Variants in LPP observed in about 807,000 individuals in gnomAD.
The protein encoded by LPP is lipoma-preferred partner.
A neutral mutation model predicts 60.4 loss-of-function variants in LPP; 38 were observed. The ratio of observed to expected loss-of-function variants is 0.63; its 90% CI spans 0.49 to 0.83. The LOEUF is 0.83. Among genes scored for constraint, LPP ranks in the 40% least tolerant of loss-of-function variants. The probability of loss-of-function intolerance (pLI) is 0.00; values close to 1 mark genes in which losing one functional copy is unlikely to be tolerated. For synonymous variants in LPP, 328 were observed against 290.8 expected, an observed-to-expected ratio of 1.13 and a Z score of -1.30; for missense variants, 902 against 783.6, an observed-to-expected ratio of 1.15 and a Z score of -1.80.
chr3:188,399,626 C>A (rs926020962), intron 3 of LPP, among the ~76,000 whole-genome samples: 3 of 152,138 alleles, frequency 2.0e-5, no homozygotes, highest in Non-Finnish European at 4.4e-5. Flanking sequence ...AATACAATGT[C>A]ATTTAAAGAT....
chr3:188,355,089 A>G (rs1004086283), intron 3 of LPP, among the ~76,000 whole-genome samples: 5 of 152,126 alleles, frequency 3.3e-5, no homozygotes, highest in African/African-American at 9.6e-5. Flanking sequence ...GCTCACTGCA[A>G]TCTCCACCTC....
At chr3:188,331,785 G>A (rs1311347812) in intron 2 of LPP, among the ~76,000 whole-genome samples, 2 of 152,146 alleles carry the variant, frequency 1.3e-5, no homozygotes, top group Non-Finnish European at 2.9e-5. Flanking sequence ...ATGTGTATGA[G>A]TCTGAAAGCT....
chr3:188,766,999 A>G (rs1236796187), intron 9 of LPP, among the ~76,000 whole-genome samples: 1 of 152,196 alleles, frequency 6.6e-6, no homozygotes, highest in African/African-American at 2.4e-5. Context: ...TGCCTTCTAT[A>G]CAGTCCGTTT....
At chr3:188,240,470 T>G in intron 2 of LPP, among the ~76,000 whole-genome samples, 1 of 151,974 alleles carries the variant, frequency 6.6e-6, no homozygotes, top group East Asian at 1.9e-4. Context: ...GGCACAGAAT[T>G]TCTGAGTTGG....
chr3:188,515,870 T>G (rs1192169787), intron 5 of LPP, among the ~76,000 whole-genome samples: 1 of 152,202 alleles, frequency 6.6e-6, no homozygotes, highest in Non-Finnish European at 1.5e-5. Flanking sequence ...ACAAAGAGTA[T>G]CAAATAACAT....
intron 7 of LPP, among the ~76,000 whole-genome samples, chr3:188,643,777 T>C (rs1214106203): frequency 2.6e-5 from 4 of 152,092 alleles, no homozygotes; most frequent in Non-Finnish European, 5.9e-5. Flanking sequence ...GGATTTCTGT[T>C]TGGGAGTACA....
chr3:188,464,231 C>CT (rs1354382497), intron 4 of LPP, among the ~76,000 whole-genome samples: 1 of 152,196 alleles, frequency 6.6e-6, no homozygotes, highest in Admixed American at 6.5e-5. Context: ...TTTTGGATGG[C>CT]TTAGGGAGTC....
At chr3:188,284,043 C>T (rs1743078893) in intron 2 of LPP, among the ~76,000 whole-genome samples, 1 of 151,958 alleles carries the variant, frequency 6.6e-6, no homozygotes, top group African/African-American at 2.4e-5. Context: ...CTGGAAACAT[C>T]CTCCACCAAA....
intron 6 of LPP, among the ~76,000 whole-genome samples, chr3:188,553,391 T>G (rs1828674434): frequency 6.6e-6 from 1 of 152,106 alleles, no homozygotes; most frequent in Non-Finnish European, 1.5e-5. Flanking sequence ...AGACTGAAGC[T>G]TGGTAGCAGG....
At chr3:188,491,501 T>C (rs538351774) in intron 5 of LPP, among the ~76,000 whole-genome samples, 5 of 152,340 alleles carry the variant, frequency 3.3e-5, no homozygotes, top group African/African-American at 9.6e-5. Context: ...CTAGTTCCTT[T>C]TGGGTCAGCA....
At chr3:188,288,801 C>G (rs955855751) in intron 2 of LPP, among the ~76,000 whole-genome samples, 1 of 126,104 alleles carries the variant, frequency 7.9e-6, no homozygotes, top group Non-Finnish European at 1.6e-5. Flanking sequence ...CAATCTCTCT[C>G]TCTCTCTCCA....
intron 1 of LPP, among the ~76,000 whole-genome samples, chr3:188,206,464 TCTGA>T (rs1396265865): frequency 7.9e-5 from 12 of 152,216 alleles, no homozygotes; most frequent in African/African-American, 2.9e-4. Flanking sequence ...ACAGACATTG[TCTGA>T]CTAAGTATAT....
rs779323597 is a variant in LPP, at chr3:188,872,713, C to T, written c.1660C>T (p.Arg554Cys). ...MPAPGQEETV[R>C]IVALDRDFHV... ...AGCCCCGGGCCAGGAGGAGACTGTC[C>T]GTATTGTGGCTTTGGATCGAGATTT... The change falls in exon 11 of 12, where the codon CGT becomes TGT. Residue 554 changes from arginine to cysteine, a missense_variant. Physicochemically the swap from Arg to Cys is radical, Grantham distance 180. Transcript: ENST00000617246. 1.9e-6 allele frequency: 3 copies of T among 1,614,170 alleles called. No homozygotes were observed. The highest frequency in any genetic ancestry group is 2.5e-6 in the Non-Finnish European group (3 of 1,180,032).
At chr3:188,450,152 A>G (rs1003911202) in intron 4 of LPP, among the ~76,000 whole-genome samples, 1 of 152,204 alleles carries the variant, frequency 6.6e-6, no homozygotes, top group South Asian at 2.1e-4. Context: ...TTAATGTCAC[A>G]TATTATTCGT....
At chr3:188,590,113 G>A (rs909925104) in intron 6 of LPP, among the ~76,000 whole-genome samples, 3 of 152,172 alleles carry the variant, frequency 2.0e-5, no homozygotes, top group Admixed American at 1.3e-4. Context: ...ACCCAGGTGA[G>A]CAATGTAAAA....
intron 9 of LPP, among the ~76,000 whole-genome samples, chr3:188,770,354 T>A (rs1328092684): frequency 1.4e-5 from 2 of 142,904 alleles, no homozygotes; most frequent in Non-Finnish European, 3.0e-5. Flanking sequence ...ATTTTTTTTT[T>A]TTTTTTTTTT....
intron 7 of LPP, among the ~76,000 whole-genome samples, chr3:188,634,090 C>T (rs566572552): frequency 3.3e-5 from 5 of 152,106 alleles, no homozygotes; most frequent in Non-Finnish European, 7.4e-5. Context: ...GTTACATAAA[C>T]CTTAATAAAA....
chr3:188,359,386 A>T (rs1768578095), intron 3 of LPP, among the ~76,000 whole-genome samples: 1 of 152,194 alleles, frequency 6.6e-6, no homozygotes, highest in African/African-American at 2.4e-5. Context: ...TACGGGTGAG[A>T]GTTGCCAACC....
intron 3 of LPP, among the ~76,000 whole-genome samples, chr3:188,366,114 A>G (rs948331860): frequency 3.9e-5 from 6 of 152,208 alleles, no homozygotes; most frequent in East Asian, 1.9e-4. Flanking sequence ...TAATTTGCAC[A>G]TATCAGTGAG....
Sources: gnomAD v4.1 joint callset for allele counts (sites outside exome capture counted in the v4.1 genomes callset) on GRCh38, gnomAD v4.1.1 for gene constraint, MANE v1.5 for transcripts, NCBI Gene and HGNC (gene_info 2026-07-23, HGNC 2026-07-21) for gene names.